Variants in CREB3L2 observed in about 807,000 individuals in gnomAD.
The protein encoded by CREB3L2 is cAMP responsive element binding protein 3 like 2.
CREB3L2 carries 23 observed loss-of-function variants against 57.2 expected under a neutral mutation model. The ratio of observed to expected loss-of-function variants is 0.40; its 90% CI spans 0.29 to 0.57. The LOEUF is 0.57. CREB3L2 is among the 20% of genes least tolerant of loss of function. The pLI is 0.42. For synonymous variants in CREB3L2, 268 were observed against 265.1 expected (o/e 1.01, Z -0.11); for missense variants, 628 against 634.7 (o/e 0.99, Z 0.11).
chr7:137,884,913 A>C, intron 10 of CREB3L2, 82 bp downstream of exon 10: 2 of 1,551,848 alleles, frequency 1.3e-6, no homozygotes, highest in Non-Finnish European at 1.8e-6. Flanking sequence ...ACTTTCACAG[A>C]AGATTCCTTT....
Position 137,893,195 on chromosome 7 carries a change from C to T in CREB3L2, c.1044-7693G>A, listed in dbSNP as rs560817152. On this transcript the variant is annotated intron_variant, in intron 8 of 11. Transcript: ENST00000330387. ...CTGAAATGCTATATTACCTACTGGC[C>T]CAGGAACAAACACTGGCCAAGGAAC... is the stretch of plus-strand genomic sequence containing the variant. 2.6e-5 allele frequency among the ~76,000 whole-genome samples: 4 copies of T among 152,092 alleles called. 1 individual carries two copies. Among genetic ancestry groups the T allele is most frequent in the Non-Finnish European group, 5.9e-5 (4 of 68,022 alleles).
chr7:137,937,641 C>A (rs1023997831), intron 1 of CREB3L2, among the ~76,000 whole-genome samples: 1 of 152,070 alleles, frequency 6.6e-6, no homozygotes, highest in Admixed American at 6.6e-5. Flanking sequence ...AATGTAGGCC[C>A]ATTACATATT....
At chr7:137,898,304 G>T (rs911926096) in intron 8 of CREB3L2, among the ~76,000 whole-genome samples, 1 of 152,192 alleles carries the variant, frequency 6.6e-6, no homozygotes, top group Admixed American at 6.5e-5. Context: ...CTTCCACACT[G>T]TTAGTGGGAA....
intron 7 of CREB3L2, among the ~76,000 whole-genome samples, chr7:137,901,909 T>G: frequency 7.5e-6 from 1 of 132,694 alleles, no homozygotes; most frequent in Non-Finnish European, 1.6e-5. Flanking sequence ...TAGAAGGAGC[T>G]GGGGCCGGGC....
chr7:137,915,969 A>C lies in CREB3L2; in HGVS notation c.363T>G (p.Pro121=). The change falls in exon 3 of 12, where the codon CCT becomes CCG. Residue 121 remains proline (P), a synonymous_variant. Transcript: ENST00000330387. ...SEKWYLSTDF[P]STSIKTEPVT... ...CTGGCTCTGTCTTGATGGATGTTGA[A>C]GGGAAGTCTGTAGACAGGTACCATT... The C allele has an allele frequency of 6.2e-7, 1 of 1,613,996 alleles. No homozygotes were observed. Among genetic ancestry groups the C allele is most frequent in the Non-Finnish European group, 8.5e-7 (1 of 1,179,942 alleles).
At position 137,980,971 on chromosome 7, in the gene CREB3L2, C is replaced by T. The variant is rs921221284; in HGVS notation, c.102+20633G>A. On this transcript the variant is annotated intron_variant, in intron 1 of 11. Transcript: ENST00000330387. This position sits in a 1 kb window ranked among gnomAD's most constrained non-coding sequence, Gnocchi z 4.3. ...AGAAATCCCCTCCAAAGACCCTTAA[C>T]GATGATGCACACCAATAATGTGACA... 9.9e-5 allele frequency among the ~76,000 whole-genome samples: 15 copies of T among 152,264 alleles called. No individual in the cohort carries two copies. The highest frequency in any genetic ancestry group is 7.2e-4 in the Admixed American group (11 of 15,292).
chr7:137,889,563 G>A (rs561047930), intron 8 of CREB3L2, among the ~76,000 whole-genome samples: 3 of 152,250 alleles, frequency 2.0e-5, no homozygotes, highest in African/African-American at 7.2e-5. Context: ...TCGAAATGTT[G>A]GTGGAAAGCG....
intron 4 of CREB3L2, among the ~76,000 whole-genome samples, chr7:137,908,794 C>T (rs1394532729): frequency 2.6e-5 from 4 of 152,052 alleles, no homozygotes; most frequent in Non-Finnish European, 5.9e-5. Context: ...ACCAACATGG[C>T]GAAACCCCAT....
intron 1 of CREB3L2, among the ~76,000 whole-genome samples, chr7:137,991,399 C>CAG (rs1801893404): frequency 6.6e-6 from 1 of 151,760 alleles, no homozygotes; most frequent in Non-Finnish European, 1.5e-5. Context: ...CTCCTGACCT[C>CAG]GTGATCCACC....
chr7:137,895,171 C>T (rs923740884), intron 8 of CREB3L2, among the ~76,000 whole-genome samples: 1 of 152,210 alleles, frequency 6.6e-6, no homozygotes. Flanking sequence ...ATGTGCATCA[C>T]TCATGCAGAA....
chr7:137,992,039 T>A (rs574761582), intron 1 of CREB3L2, among the ~76,000 whole-genome samples: 2 of 151,348 alleles, frequency 1.3e-5, no homozygotes, highest in South Asian at 2.1e-4. Context: ...TAAAAAAAAA[T>A]CCCCAAAGCT....
At chr7:137,945,332 T>C (rs1275113123) in intron 1 of CREB3L2, among the ~76,000 whole-genome samples, 1 of 152,248 alleles carries the variant, frequency 6.6e-6, no homozygotes, top group Admixed American at 6.5e-5. Context: ...TTATCTATAT[T>C]TCTAACAATG....
At chr7:137,906,499 A>G (rs143268772) in intron 5 of CREB3L2, among the ~76,000 whole-genome samples, 249 of 152,360 alleles carry the variant, frequency 1.6e-3, no homozygotes, top group Non-Finnish European at 2.7e-3. Context: ...TCCATACTAA[A>G]TGCCATGGAG....
rs1585581051 is a variant in CREB3L2 at position 137,877,374 on chromosome 7, A to G, written c.*3102T>C. 1 of 226,854 alleles carries G rather than the reference A, an allele frequency of 4.4e-6. No individual in the cohort carries two copies. The highest frequency in any genetic ancestry group is 2.2e-5 in the African/African-American group (1 of 45,084). 14.1% of individuals were successfully genotyped at this position (226,854 alleles called of 1,614,324 possible). A position where few individuals can be genotyped will look rare whatever the true frequency, so the allele number is the denominator to read the frequency against. ...AAGAGCAACCTAGTTCAGCTGTCGG[A>G]TTTTTATATAACACTCTCTTTATGT... is the stretch of plus-strand genomic sequence containing the variant. On this transcript the variant is annotated 3_prime_UTR_variant, in exon 12 of 12. Coordinates refer to ENST00000330387, the MANE Select transcript of CREB3L2 (RefSeq NM_194071.4).
At chr7:137,993,791 G>C (rs1801940869) in intron 1 of CREB3L2, among the ~76,000 whole-genome samples, 1 of 152,096 alleles carries the variant, frequency 6.6e-6, no homozygotes, top group Admixed American at 6.6e-5. Context: ...CGATTCTCTG[G>C]GCATCCTGCA....
chr7:137,992,682 A>G (rs896121395), intron 1 of CREB3L2, among the ~76,000 whole-genome samples: 9 of 152,222 alleles, frequency 5.9e-5, no homozygotes, highest in African/African-American at 2.2e-4. Context: ...AGAGAAGGCC[A>G]AGTACCAAAA....
chr7:137,925,682 G>T (rs1467389675), intron 2 of CREB3L2, among the ~76,000 whole-genome samples: 1 of 152,080 alleles, frequency 6.6e-6, no homozygotes, highest in Non-Finnish European at 1.5e-5. Context: ...CCAAACATCT[G>T]CCCATCCACA....
In CREB3L2 at chr7:137,955,219, A is replaced by G. The variant is rs769094617; in HGVS notation, c.103-26853T>C. 25 of 1,185,656 alleles carry G rather than the reference A, an allele frequency of 2.1e-5. No individual in the cohort carries two copies. In the South Asian group the frequency reaches 2.9e-4, roughly 14 times the overall value. 73.4% of individuals were successfully genotyped at this position (1,185,656 alleles called of 1,614,324 possible). A position where few individuals can be genotyped will look rare whatever the true frequency, so the allele number is the denominator to read the frequency against. ...GAAATCCTTGCCCATTTCCATCTTC[A>G]ATGAGTACAGTAAGAATCCATCCAA... is the stretch of plus-strand genomic sequence containing the variant. On this transcript the variant is annotated intron_variant, in intron 1 of 11. Transcript: ENST00000330387.
rs184014476 is a variant in CREB3L2 at position 137,960,490 on chromosome 7, A to C, written c.103-32124T>G. On this transcript the variant is annotated intron_variant, in intron 1 of 11. Transcript: ENST00000330387. ...GAAAACTCAAATTCCGTCAAAAGAGAATATTAGTGATTTTGTCCAAAGCCT... is the reference window on the plus strand; with the variant it reads ...GAAAACTCAAATTCCGTCAAAAGAGCATATTAGTGATTTTGTCCAAAGCCT... Among the ~76,000 whole-genome samples the C allele has an allele frequency of 3.9e-5, 6 of 152,324 alleles. No homozygotes were observed. In the East Asian group the frequency reaches 1.2e-3, roughly 29 times the overall value.
Sources: allele counts gnomAD v4.1 joint callset (sites outside exome capture counted in the v4.1 genomes callset), GRCh38; gene constraint gnomAD v4.1.1; non-coding constraint Gnocchi (gnomAD v3.1); transcripts MANE v1.5; gene names NCBI Gene and HGNC (gene_info 2026-07-23, HGNC 2026-07-21).